The following PTPRN2 variants were observed in gnomAD, a reference collection of about 807,000 sequenced individuals.
PTPRN2 encodes the protein protein tyrosine phosphatase receptor type N2.
PTPRN2 carries 74 observed loss-of-function variants against 118.8 expected under a neutral mutation model. That is an observed-to-expected ratio of 0.62 (90% CI 0.52 to 0.76). PTPRN2 has a LOEUF of 0.76. Ranked by LOEUF, PTPRN2 falls within the 30% of genes least tolerant of loss-of-function variation. The pLI is 0.00. For missense variants in PTPRN2, 1,481 were observed against 1,394.4 expected, an observed-to-expected ratio of 1.06 and a Z score of -0.99; for synonymous variants, 641 against 608.0, an observed-to-expected ratio of 1.05 and a Z score of -0.80.
chr7:158,270,120 C>T lies in PTPRN2; in HGVS notation c.277+46699G>A, dbSNP rs931362477. On this transcript the variant is annotated intron_variant, in intron 3 of 22. Transcript: ENST00000389418. The stretch of plus-strand genomic sequence containing the variant: ...GCTCACTGTGGAGGGGAGCCCAGAG[C>T]TGGACCATCAGGAGACCCAGGACAG... Among the ~76,000 whole-genome samples, 13 of 152,360 alleles carry T rather than the reference C, an allele frequency of 8.5e-5. No individual in the cohort carries two copies. In the East Asian group the frequency reaches 2.3e-3, roughly 27 times the overall value.
At chr7:158,064,372 C>A (rs1378741759) in intron 11 of PTPRN2, among the ~76,000 whole-genome samples, 1 of 152,104 alleles carries the variant, frequency 6.6e-6, no homozygotes, top group Non-Finnish European at 1.5e-5. Flanking sequence ...AGACGAGATG[C>A]CCAGGACAGC....
intron 3 of PTPRN2, among the ~76,000 whole-genome samples, chr7:158,231,009 G>A (rs563986929): frequency 6.6e-6 from 1 of 152,322 alleles, no homozygotes; most frequent in East Asian, 1.9e-4. Context: ...GCTCACACCT[G>A]TAATCTCAGC....
chr7:157,929,049 G>T lies in PTPRN2; in HGVS notation c.1724-30312C>A, dbSNP rs920321813. ...CCTCACATGCCCACTTTAGAGGCAGGAGAGTGGGGTCCCGGGGTGCCAGGT... is the reference window on the plus strand; with the variant it reads ...CCTCACATGCCCACTTTAGAGGCAGTAGAGTGGGGTCCCGGGGTGCCAGGT... On this transcript the variant is annotated intron_variant, in intron 11 of 22. Transcript: ENST00000389418. This position sits in a 1 kb window ranked among gnomAD's most constrained non-coding sequence, Gnocchi z 4.4. Among the ~76,000 whole-genome samples, 1 of 152,176 alleles carries T rather than the reference G, an allele frequency of 6.6e-6. No homozygotes were observed.
intron 1 of PTPRN2, among the ~76,000 whole-genome samples, chr7:158,580,808 T>C (rs919308959): frequency 1.3e-5 from 2 of 152,208 alleles, no homozygotes; most frequent in Admixed American, 6.5e-5. Context: ...CATAAAATTT[T>C]TATGGACACA....
At chr7:157,971,583 T>C (rs1391664004) in intron 11 of PTPRN2, among the ~76,000 whole-genome samples, 2 of 152,136 alleles carry the variant, frequency 1.3e-5, no homozygotes, top group Non-Finnish European at 2.9e-5. Context: ...AATTCCGTGC[T>C]AATTAACTGA....
chr7:157,666,385 C>T (rs1346067217), intron 13 of PTPRN2, among the ~76,000 whole-genome samples: 1 of 151,872 alleles, frequency 6.6e-6, no homozygotes, highest in Non-Finnish European at 1.5e-5. Flanking sequence ...GAGAAGGACG[C>T]ATTTGCAATA....
At position 157,801,714 on chromosome 7, in the gene PTPRN2, C is replaced by G. The variant is rs1160354076; in HGVS notation, c.1788+96959G>C. On this transcript the variant is annotated intron_variant, in intron 12 of 22. Transcript: ENST00000389418. This position sits in a 1 kb window ranked among gnomAD's most constrained non-coding sequence, Gnocchi z 4.2. ...CCAAATGATATTTAAGAAAAATTCA[C>G]AGGAGAGGCGGCTGCTGAATGCCTC... Among the ~76,000 whole-genome samples the G allele has an allele frequency of 6.6e-6, 1 of 152,160 alleles. No individual in the cohort carries two copies. Among genetic ancestry groups the G allele is most frequent in the Non-Finnish European group, 1.5e-5 (1 of 68,034 alleles).
chr7:158,071,864 GTCATATGGAGGTGCTCA>G (rs1563393923), intron 11 of PTPRN2, among the ~76,000 whole-genome samples: 2 of 7,064 alleles, frequency 2.8e-4, no homozygotes, highest in East Asian at 9.8e-3. Flanking sequence ...GGAGGTGCTC[GTCATATGGAGGTGCTCA>G]TGGTGGAGGT....
At chr7:158,259,290 G>A (rs1026644868) in intron 3 of PTPRN2, among the ~76,000 whole-genome samples, 5 of 152,224 alleles carry the variant, frequency 3.3e-5, no homozygotes, top group Non-Finnish European at 1.5e-5. Context: ...CATGGGAGCA[G>A]GCAGGCCACG....
At chr7:157,712,612 G>A (rs7778429) in intron 12 of PTPRN2, among the ~76,000 whole-genome samples, 72,082 of 151,740 alleles carry the variant, frequency 0.48, 18,151 homozygotes, top group Non-Finnish European at 0.58. Flanking sequence ...TTAGCCAGGC[G>A]TGGTGGTGGG....
At chr7:157,751,344 T>C (rs1352459571) in intron 12 of PTPRN2, among the ~76,000 whole-genome samples, 1 of 152,160 alleles carries the variant, frequency 6.6e-6, no homozygotes, top group African/African-American at 2.4e-5. Context: ...AAAAAATCCA[T>C]GCGGCGAACG....
At chr7:158,341,806 C>A (rs554219238) in intron 2 of PTPRN2, among the ~76,000 whole-genome samples, 1 of 134,156 alleles carries the variant, frequency 7.5e-6, no homozygotes, top group Non-Finnish European at 1.6e-5. Context: ...ACACTCTCAC[C>A]GTAAGAGGTG....
rs1826779022 is a variant in PTPRN2, at chr7:158,553,243, C to T, written c.112+34315G>A. ...AGGCTTTGGAGTCTACACCACATTC[C>T]CCATGCATATACACAGGCTTGGGAG... is the stretch of plus-strand genomic sequence containing the variant. On this transcript the variant is annotated intron_variant, in intron 1 of 22. Transcript: ENST00000389418. Among the ~76,000 whole-genome samples the T allele has an allele frequency of 2.6e-5, 4 of 151,204 alleles. No individual in the cohort carries two copies. The South Asian group carries it at 8.4e-4, about 32-fold the overall frequency.
intron 11 of PTPRN2, among the ~76,000 whole-genome samples, chr7:157,961,167 G>A (rs1801504121): frequency 6.6e-6 from 1 of 152,226 alleles, no homozygotes; most frequent in Non-Finnish European, 1.5e-5. Flanking sequence ...GAGAGATTAT[G>A]AAGAAATATT....
At chr7:157,898,787 G>A (rs1303321332) in intron 11 of PTPRN2, 50 bp from the exon 12 acceptor site, 5 of 1,465,166 alleles carry the variant, frequency 3.4e-6, no homozygotes, top group Non-Finnish European at 4.8e-6. Flanking sequence ...GAGGTCCTCA[G>A]TCTCCGGGCA....
intron 16 of PTPRN2, among the ~76,000 whole-genome samples, chr7:157,600,563 C>G (rs1191923980): frequency 6.6e-6 from 1 of 152,164 alleles, no homozygotes; most frequent in African/African-American, 2.4e-5. Context: ...TATGCACCAC[C>G]ATGCCTGGCT....
intron 5 of PTPRN2, 87 bp downstream of exon 5, chr7:158,192,240 G>A: frequency 7.6e-7 from 1 of 1,324,436 alleles, no homozygotes; most frequent in Non-Finnish European, 9.8e-7. Context: ...AAAGCCAAGA[G>A]GAGCCAGCGA....
At chr7:158,341,897 T>A (rs1806906761) in intron 2 of PTPRN2, among the ~76,000 whole-genome samples, 2 of 112,934 alleles carry the variant, frequency 1.8e-5, no homozygotes, top group Non-Finnish European at 1.7e-5. Context: ...ACACTCACCA[T>A]ATGAGCTGAC....
intron 12 of PTPRN2, among the ~76,000 whole-genome samples, chr7:157,720,572 G>A (rs1293671181): frequency 6.6e-6 from 1 of 152,242 alleles, no homozygotes; most frequent in African/African-American, 2.4e-5. Flanking sequence ...CGGCTGCACC[G>A]ATGCATGGGT....
Sources: allele counts gnomAD v4.1 joint callset (sites outside exome capture counted in the v4.1 genomes callset), GRCh38; gene constraint gnomAD v4.1.1; non-coding constraint Gnocchi (gnomAD v3.1); transcripts MANE v1.5; gene names NCBI Gene and HGNC (gene_info 2026-07-23, HGNC 2026-07-21).